Variants in BMPER observed in about 807,000 individuals in gnomAD.
The protein encoded by BMPER is BMP binding endothelial regulator.
BMPER carries 45 observed loss-of-function variants against 87.3 expected under a neutral mutation model. The observed-to-expected ratio is 0.52, with a 90% CI of 0.41 to 0.66. The LOEUF (loss-of-function observed/expected upper bound fraction) is 0.66, where lower values mean the gene tolerates loss of function less well. Ranked by LOEUF, BMPER falls within the 30% of genes least tolerant of loss-of-function variation. BMPER has a pLI of 0.00. For synonymous variants in BMPER, 326 were observed against 316.2 expected (o/e 1.03, Z -0.33); for missense variants, 784 against 867.5 (o/e 0.90, Z 1.21).
intron 3 of BMPER, chr7:33,937,589 C>T (rs1784638464): frequency 8.4e-6 from 5 of 596,058 alleles, no homozygotes; most frequent in Non-Finnish European, 6.0e-6. Flanking sequence ...GAAGGGGGCT[C>T]TCCTGGAGGA....
chr7:34,133,778 T>G (rs1350890658), intron 13 of BMPER, among the ~76,000 whole-genome samples: 1 of 152,108 alleles, frequency 6.6e-6, no homozygotes, highest in Non-Finnish European at 1.5e-5. Context: ...CTAGTTGGTG[T>G]CCGCTGGAGA....
chr7:34,078,987 G>C lies in BMPER; in HGVS notation c.1209G>C (p.Val403=). 3 of 1,614,210 alleles carry C rather than the reference G, an allele frequency of 1.9e-6. No homozygotes were observed. The highest frequency in any genetic ancestry group is 2.5e-6 in the Non-Finnish European group (3 of 1,180,042). Residue 403 remains valine (V), a synonymous_variant, in exon 12 of 15, where the codon GTG becomes GTC. Coordinates refer to ENST00000649409, the MANE Select transcript of BMPER (RefSeq NM_001365308.1). ...DCSSPASPFQ[V]LVKNDARRTR... Reference sequence around the variant, plus strand: ...CCTCCCCTGCCTCGCCCTTCCAGGTGCTGGTGAAGAACGACGCCCGCCGGA... The same window carrying C: ...CCTCCCCTGCCTCGCCCTTCCAGGTCCTGGTGAAGAACGACGCCCGCCGGA...
rs993733108 is a variant in BMPER at position 33,975,175 on chromosome 7, G to A, written c.576+391G>A. Among the ~76,000 whole-genome samples, 8 of 152,262 alleles carry A rather than the reference G, an allele frequency of 5.3e-5. No homozygotes were observed. In the East Asian group the frequency reaches 7.7e-4, roughly 15 times the overall value. Reference sequence around the variant, plus strand: ...GAGGGAGAGGCTGCCTTTCCTCCACGTGCCTCCTTTTTTGGGGGAAAGCAT... The same window carrying A: ...GAGGGAGAGGCTGCCTTTCCTCCACATGCCTCCTTTTTTGGGGGAAAGCAT... On this transcript the variant is annotated intron_variant, in intron 6 of 14. Coordinates refer to ENST00000649409, the MANE Select transcript of BMPER (RefSeq NM_001365308.1).
At chr7:34,055,113 G>A (rs1483500144) in intron 8 of BMPER, 50 bp from the exon 9 acceptor site, 8 of 1,613,142 alleles carry the variant, frequency 5.0e-6, no homozygotes, top group Middle Eastern at 1.7e-4. Context: ...TAGGATGTTT[G>A]GTAGAGGCGA....
At chr7:33,939,448 G>T (rs59234365) in intron 3 of BMPER, among the ~76,000 whole-genome samples, 45,224 of 151,980 alleles carry the variant, frequency 0.3, 6,871 homozygotes, top group Non-Finnish European at 0.34. Context: ...CAACGCATTT[G>T]GGGGGAGGTC....
intron 7 of BMPER, among the ~76,000 whole-genome samples, chr7:34,046,931 T>A (rs951187700): frequency 1.3e-5 from 2 of 151,752 alleles, no homozygotes; most frequent in Non-Finnish European, 2.9e-5. Context: ...ACTTTATTTT[T>A]TTTTTTTTCT....
At chr7:34,147,397 C>A (rs561226643) in intron 14 of BMPER, among the ~76,000 whole-genome samples, 14 of 152,344 alleles carry the variant, frequency 9.2e-5, no homozygotes, top group Non-Finnish European at 1.9e-4. Flanking sequence ...TATGTTTCAC[C>A]TATAGCGGTT....
In BMPER at chr7:34,024,378, AAAAACAATATAT is replaced by A. The variant is rs1787288472; in HGVS notation, c.577-21926_577-21915del. Among the ~76,000 whole-genome samples, 4 of 89,318 alleles carry A rather than the reference AAAAACAATATAT, an allele frequency of 4.5e-5. 1 individual carries two copies. Among genetic ancestry groups the A allele is most frequent in the African/African-American group, 2.3e-4 (4 of 17,416 alleles). 58.6% of individuals were successfully genotyped at this position (89,318 alleles called of 152,430 possible). The stretch of plus-strand genomic sequence containing the variant: ...GTCTCAAAAAAAAAAAAAAAAAAAA[AAAAACAATATAT>A]ATATATATATATATATATATATATA... On this transcript the variant is annotated intron_variant, in intron 6 of 14. Transcript: ENST00000649409.
chr7:34,113,776 T>C (rs1790042922), intron 13 of BMPER, among the ~76,000 whole-genome samples: 2 of 152,172 alleles, frequency 1.3e-5, no homozygotes, highest in Non-Finnish European at 2.9e-5. Flanking sequence ...TGGTGACCAG[T>C]TATCTTCGCA....
intron 13 of BMPER, among the ~76,000 whole-genome samples, chr7:34,120,049 C>T (rs1175262605): frequency 2.0e-5 from 3 of 152,112 alleles, no homozygotes; most frequent in Non-Finnish European, 2.9e-5. Context: ...TTCACATTTA[C>T]ATAAAAAATT....
rs1243851856 is a variant in BMPER at position 34,156,174 on chromosome 7, T to G, written c.*2901T>G. Among the ~76,000 whole-genome samples the G allele has an allele frequency of 6.6e-6, 1 of 152,196 alleles. No individual in the cohort carries two copies. The highest frequency in any genetic ancestry group is 1.5e-5 in the Non-Finnish European group (1 of 68,026). On this transcript the variant is annotated 3_prime_UTR_variant, in exon 15 of 15. Coordinates refer to ENST00000649409, the MANE Select transcript of BMPER (RefSeq NM_001365308.1). ...TCAGACCGTCCTGTAAGAGGGCATC[T>G]TTCAATAAGAACGAGAAAGACCCAG...
chr7:34,086,574 A>T (rs1678748221), intron 13 of BMPER, among the ~76,000 whole-genome samples: 1 of 152,198 alleles, frequency 6.6e-6, no homozygotes, highest in Non-Finnish European at 1.5e-5. Context: ...AAATGTGCAC[A>T]TGGAAAATAA....
chr7:33,961,629 A>G (rs1053900845), intron 3 of BMPER, among the ~76,000 whole-genome samples: 2 of 152,190 alleles, frequency 1.3e-5, no homozygotes, highest in African/African-American at 4.8e-5. Flanking sequence ...AGGGCACTGA[A>G]GAAGGAAAGC....
chr7:34,133,623 C>T (rs773066204), intron 13 of BMPER, among the ~76,000 whole-genome samples: 2 of 152,142 alleles, frequency 1.3e-5, no homozygotes, highest in Admixed American at 6.5e-5. Context: ...ATTTATAAAC[C>T]GGTTGGTCAG....
chr7:34,136,705 G>A (rs531108542), intron 13 of BMPER, among the ~76,000 whole-genome samples: 17 of 152,192 alleles, frequency 1.1e-4, no homozygotes, highest in African/African-American at 3.6e-4. Flanking sequence ...GCACTGTTGC[G>A]TTCTGCCTTG....
At chr7:34,055,679 T>C (rs1215674092) in intron 9 of BMPER, among the ~76,000 whole-genome samples, 2 of 152,168 alleles carry the variant, frequency 1.3e-5, no homozygotes, top group Non-Finnish European at 2.9e-5. Flanking sequence ...GCTTGAAGCT[T>C]TTAGAAGTTT....
At chr7:34,132,591 G>A (rs900439634) in intron 13 of BMPER, among the ~76,000 whole-genome samples, 1 of 152,208 alleles carries the variant, frequency 6.6e-6, no homozygotes, top group Non-Finnish European at 1.5e-5. Flanking sequence ...ATGTATCTAT[G>A]TTGGGAGTAG....
intron 13 of BMPER, among the ~76,000 whole-genome samples, chr7:34,093,086 G>A (rs1043318115): frequency 5.9e-5 from 9 of 152,158 alleles, no homozygotes; most frequent in Admixed American, 5.9e-4. Flanking sequence ...GAATTTGCTA[G>A]AAGGAACTCA....
At chr7:34,082,552 G>A (rs1789081387) in intron 12 of BMPER, among the ~76,000 whole-genome samples, 1 of 152,116 alleles carries the variant, frequency 6.6e-6, no homozygotes, top group South Asian at 2.1e-4. Context: ...GAAGACAGGA[G>A]AGTGAATTAC....
Sources: gnomAD v4.1 joint callset for allele counts (sites outside exome capture counted in the v4.1 genomes callset) on GRCh38, gnomAD v4.1.1 for gene constraint, MANE v1.5 for transcripts, NCBI Gene and HGNC (gene_info 2026-07-23, HGNC 2026-07-21) for gene names.